The following DHRS2 variants were observed in gnomAD, a reference collection of about 807,000 sequenced individuals.
DHRS2 encodes dehydrogenase/reductase SDR family member 2, mitochondrial.
DHRS2 carries 29 observed loss-of-function variants against 26.3 expected under a neutral mutation model. That is an observed-to-expected ratio of 1.10 (90% CI 0.82 to 1.50). The LOEUF is 1.50. DHRS2 is among the 40% of genes most tolerant of loss of function. DHRS2 has a pLI of 0.00. For missense variants in DHRS2, 439 were observed against 367.1 expected, an observed-to-expected ratio of 1.20 and a Z score of -1.60; for synonymous variants, 164 against 151.3, an observed-to-expected ratio of 1.08 and a Z score of -0.62.
intron 5 of DHRS2, 127 bp downstream of exon 5, chr14:23,643,346 CT>C (rs1342614969): frequency 3.7e-6 from 3 of 816,548 alleles, no homozygotes; most frequent in Non-Finnish European, 6.0e-6. Context: ...CATCCCTCAT[CT>C]TCTTGTCCTG....
chr14:23,639,397 T>C, intron 3 of DHRS2, 41 bp downstream of exon 3: 2 of 1,528,024 alleles, frequency 1.3e-6, no homozygotes, highest in Middle Eastern at 1.8e-4. Context: ...GAGGGGAACA[T>C]GCAGAACCTT....
At position 23,638,765 on chromosome 14, in the gene DHRS2, G is replaced by T; in HGVS notation, c.-38-62G>T. On this transcript the variant is annotated intron_variant, in intron 1 of 8. Coordinates refer to ENST00000250383, the MANE Select transcript of DHRS2 (RefSeq NM_005794.4). ...CTTGTCTGTCTGGAGGAAGGAGGAG[G>T]GTAGATTACCTTCATGCTCACTGAG... The T allele has an allele frequency of 2.7e-6, 4 of 1,499,904 alleles. No homozygotes were observed. The South Asian group carries it at 5.2e-5, about 19-fold the overall frequency. The allele number at this position is 1,499,904 out of a possible 1,614,324, so 92.9% of individuals were successfully genotyped here.
chr14:23,637,346 T>A (rs565219119), intron 1 of DHRS2, among the ~76,000 whole-genome samples: 112 of 152,328 alleles, frequency 7.4e-4, no homozygotes, highest in African/African-American at 2.6e-3. Context: ...ACATAATTTT[T>A]GCCCAAAGCC....
At chr14:23,642,337 T>C (rs938958965) in intron 4 of DHRS2, 3 of 192,114 alleles carry the variant, frequency 1.6e-5, no homozygotes, top group African/African-American at 2.4e-5. Flanking sequence ...TTTTCTACAC[T>C]GATTTTTCCT....
intron 1 of DHRS2, among the ~76,000 whole-genome samples, chr14:23,637,523 C>G (rs567971214): frequency 6.6e-6 from 1 of 152,310 alleles, no homozygotes; most frequent in Non-Finnish European, 1.5e-5. Flanking sequence ...GAGACCCCTT[C>G]CCTCCCTCAG....
At chr14:23,640,362 C>T (rs2138382711) in intron 4 of DHRS2, 1 of 985,462 alleles carries the variant, frequency 1.0e-6, no homozygotes, top group Middle Eastern at 5.2e-4. Context: ...TCACTGAGTC[C>T]CACACAAACT....
In DHRS2 at chr14:23,645,374, T is replaced by A; in HGVS notation, c.*121T>A. 1 of 1,583,136 alleles carries A rather than the reference T, an allele frequency of 6.3e-7. No individual in the cohort carries two copies. Among genetic ancestry groups the A allele is most frequent in the Admixed American group, 1.7e-5 (1 of 59,182 alleles). On this transcript the variant is annotated 3_prime_UTR_variant, in exon 9 of 9. Coordinates refer to ENST00000250383, the MANE Select transcript of DHRS2 (RefSeq NM_005794.4). Reference sequence around the variant, plus strand: ...TCTGCCAGACTAGCAATTTGGGGGCTTACTCATGCTAGGCTTGAGGAAGAA... The same window carrying A: ...TCTGCCAGACTAGCAATTTGGGGGCATACTCATGCTAGGCTTGAGGAAGAA...
upstream of DHRS2, among the ~76,000 whole-genome samples, chr14:23,636,081 G>T (rs1566697055): frequency 6.6e-6 from 1 of 152,136 alleles, no homozygotes; most frequent in Non-Finnish European, 1.5e-5. Flanking sequence ...GTTTGTAAAT[G>T]CACCAATCAG....
Position 23,644,466 on chromosome 14 carries a change from G to A in DHRS2, c.598G>A (p.Ala200Thr). The A allele has an allele frequency of 1.2e-6, 2 of 1,614,200 alleles. No homozygotes were observed. Among genetic ancestry groups the A allele is most frequent in the Non-Finnish European group, 8.5e-7 (1 of 1,180,038 alleles). ...GCTGCTGGGTCTCACTAGAACACTG[G>A]CATTGGAGCTGGCCCCCAAGGACAT... is the stretch of plus-strand genomic sequence containing the variant. ...TALLGLTRTL[A>T]LELAPKDIRV... The change falls in exon 7 of 9, where the codon GCA becomes ACA. Residue 200 changes from alanine (A) to threonine (T), a missense_variant. Transcript: ENST00000250383.
Position 23,645,407 on chromosome 14 carries a change from G to C in DHRS2, c.*154G>C. 6.7e-7 allele frequency: 1 copy of C among 1,484,142 alleles called. No homozygotes were observed. The highest frequency in any genetic ancestry group is 9.1e-7 in the Non-Finnish European group (1 of 1,102,524). 91.9% of individuals were successfully genotyped at this position (1,484,142 alleles called of 1,614,324 possible). The stretch of plus-strand genomic sequence containing the variant: ...GCTAGGCTTGAGGAAGAAGAAAAAC[G>C]CTTCGGCATTCTCCTTAGGACTTAT... On this transcript the variant is annotated 3_prime_UTR_variant, in exon 9 of 9. Transcript: ENST00000250383.
rs187699110 is a variant in DHRS2 at position 23,643,193 on chromosome 14, C to A, written c.462C>A (p.Ser154Arg). 29 of 1,614,052 alleles carry A rather than the reference C, an allele frequency of 1.8e-5. No homozygotes were observed. The East Asian group carries it at 4.2e-4, about 24-fold the overall frequency. ...VNVKSPALLLSQLLPYMENRR... is the reference protein window; with the variant it reads ...VNVKSPALLLRQLLPYMENRR... ...TGAAGTCCCCAGCCCTGCTGCTGAGCCAGTTGCTGCCCTACATGGAGAACA... is the reference window on the plus strand; with the variant it reads ...TGAAGTCCCCAGCCCTGCTGCTGAGACAGTTGCTGCCCTACATGGAGAACA... Residue 154 changes from serine to arginine, a missense_variant, in exon 5 of 9, where the codon AGC becomes AGA. Physicochemically the swap from Ser to Arg is moderately radical, Grantham distance 110. Transcript: ENST00000250383.
chr14:23,644,803 C>G (rs1408540422), intron 7 of DHRS2, 24 bp from the exon 8 acceptor site: 1 of 1,613,674 alleles, frequency 6.2e-7, no homozygotes, highest in Non-Finnish European at 8.5e-7. Flanking sequence ...AGCACTGACT[C>G]CTTCATTTCT....
upstream of DHRS2, among the ~76,000 whole-genome samples, chr14:23,632,021 A>T (rs1205437218): frequency 6.6e-6 from 1 of 152,230 alleles, no homozygotes; most frequent in Non-Finnish European, 1.5e-5. Flanking sequence ...AAGTTCAGAC[A>T]AGCAGGGCTT....
At chr14:23,641,151 G>C (rs912260179) in intron 4 of DHRS2, 1 of 159,316 alleles carries the variant, frequency 6.3e-6, no homozygotes. Flanking sequence ...TCACCTCAGA[G>C]GTGAAATTGT....
intron 4 of DHRS2, chr14:23,641,770 TTC>T: frequency 7.8e-7 from 1 of 1,288,704 alleles, no homozygotes; most frequent in Non-Finnish European, 1.0e-6. Context: ...CACAGCAACA[TTC>T]AGCTTAAGTA....
chr14:23,631,241 A>T (rs1890110256), intron 1 of DHRS2, among the ~76,000 whole-genome samples: 1 of 152,054 alleles, frequency 6.6e-6, no homozygotes, highest in South Asian at 2.1e-4. Flanking sequence ...TTGGTATCTT[A>T]TTGCTAAAAG....
chr14:23,644,856 C>G lies in DHRS2; in HGVS notation c.705C>G (p.Asn235Lys). The G allele has an allele frequency of 6.2e-7, 1 of 1,614,216 alleles. No individual in the cohort carries two copies. The highest frequency in any genetic ancestry group is 8.5e-7 in the Non-Finnish European group (1 of 1,180,040). The change falls in exon 8 of 9, where the codon AAC becomes AAG. Residue 235 changes from asparagine (N) to lysine (K), a missense_variant. Physicochemically the swap from Asn to Lys is moderately conservative, Grantham distance 94. Transcript: ENST00000250383. The part of the protein sequence containing the change: ...VFHGNESLWK[N>K]FKEHHQLQRI... ...ATGGGAATGAGTCTCTCTGGAAGAA[C>G]TTCAAGGAACATCATCAGCTGCAGA... is the stretch of plus-strand genomic sequence containing the variant.
In DHRS2 at chr14:23,645,205, C is replaced by T. The variant is rs771013599; in HGVS notation, c.795C>T (p.Tyr265=). The T allele has an allele frequency of 6.3e-5, 102 of 1,614,038 alleles. 1 individual carries two copies. The highest frequency in any genetic ancestry group is 3.2e-4 in the South Asian group (29 of 91,082). Residue 265 remains tyrosine (Y), a synonymous_variant, in exon 9 of 9, where the codon TAC becomes TAT. Transcript: ENST00000250383. ...TCCTGTGCTCTCCAGATGCCAGCTA[C>T]GTCAACGGGGAGAACATTGCGGTGG... The part of the protein sequence containing the change: ...VSFLCSPDAS[Y]VNGENIAVAG...
intron 4 of DHRS2, chr14:23,640,996 C>T (rs1566702584): frequency 6.6e-6 from 1 of 152,318 alleles, no homozygotes; most frequent in Non-Finnish European, 1.5e-5. Flanking sequence ...TTGCAGTCCT[C>T]CCTCCTGAAG....
Sources: allele counts gnomAD v4.1 joint callset (sites outside exome capture counted in the v4.1 genomes callset), GRCh38; gene constraint gnomAD v4.1.1; transcripts MANE v1.5; gene names NCBI Gene and HGNC (gene_info 2026-07-23, HGNC 2026-07-21).